The following CENPF variants were observed in gnomAD, a reference collection of about 807,000 sequenced individuals.
The protein encoded by CENPF is AH antigen.
A neutral mutation model predicts 307.3 loss-of-function variants in CENPF; 214 were observed. The ratio of observed to expected loss-of-function variants is 0.70; its 90% CI spans 0.62 to 0.78. CENPF has a LOEUF of 0.78. CENPF is among the 30% of genes least tolerant of loss of function. CENPF has a pLI of 0.00. For synonymous variants in CENPF, 1,259 were observed against 1,270.6 expected (o/e 0.99, Z 0.19); for missense variants, 3,401 against 3,483.9 (o/e 0.98, Z 0.60).
chr1:214,662,625 A>G (rs1658816601), intron 19 of CENPF, among the ~76,000 whole-genome samples: 1 of 152,144 alleles, frequency 6.6e-6, no homozygotes, highest in South Asian at 2.1e-4. Flanking sequence ...CCTTGTGTCC[A>G]TTATGCAAGA....
intron 8 of CENPF, among the ~76,000 whole-genome samples, 172 bp downstream of exon 8, chr1:214,629,343 C>CT (rs939367716): frequency 2.0e-5 from 3 of 152,042 alleles, no homozygotes; most frequent in Non-Finnish European, 2.9e-5. Flanking sequence ...CACTTTTGCG[C>CT]TTTTTTTAAA....
Position 214,639,951 on chromosome 1 carries a change from G to T in CENPF, c.1613G>T (p.Arg538Ile). 6.4e-7 allele frequency: 1 copy of T among 1,556,194 alleles called. No homozygotes were observed. Among genetic ancestry groups the T allele is most frequent in the South Asian group, 1.2e-5 (1 of 80,994 alleles). ...AKNTSQETML[R>I]DLQEKINQQE... ...AATACCTCTCAGGAAACCATGTTAAGAGATCTTCAAGAAAAAATAAATCAG... is the reference window on the plus strand; with the variant it reads ...AATACCTCTCAGGAAACCATGTTAATAGATCTTCAAGAAAAAATAAATCAG... The change falls in exon 12 of 20, where the codon AGA (arginine) becomes ATA (isoleucine). Residue 538 changes from arginine to isoleucine, a missense_variant. Transcript: ENST00000366955.
Position 214,664,110 on chromosome 1 carries a change from G to T in CENPF, c.*316G>T. On this transcript the variant is annotated 3_prime_UTR_variant, in exon 20 of 20. Transcript: ENST00000366955. ...TATCACAATCTCTGTTTGTATGTGGGTTTTACACTAAAAAAATGCAAAACA... is the reference window on the plus strand; with the variant it reads ...TATCACAATCTCTGTTTGTATGTGGTTTTTACACTAAAAAAATGCAAAACA... The T allele has an allele frequency of 5.0e-6, 1 of 200,520 alleles. No individual in the cohort carries two copies. Among genetic ancestry groups the T allele is most frequent in the Non-Finnish European group, 9.9e-6 (1 of 100,624 alleles). 12.4% of individuals were successfully genotyped at this position (200,520 alleles called of 1,614,324 possible). A position where few individuals can be genotyped will look rare whatever the true frequency, so the allele number is the denominator to read the frequency against.
At chr1:214,606,035 A>C (rs1657019511) in intron 1 of CENPF, 12 of 1,595,902 alleles carry the variant, frequency 7.5e-6, no homozygotes, top group Non-Finnish European at 1.0e-5. Flanking sequence ...CACCGTGCCG[A>C]TGCTCTGCCC....
rs17023341 is a variant in CENPF at position 214,643,375 on chromosome 1, C to T, written c.4986+51C>T. On this transcript the variant is annotated intron_variant, in intron 12 of 19. Transcript: ENST00000366955. ...TTTCTCGGTTTACATGACTAGTGGA[C>T]ACTCAGTAAATGTTTGTCTAATTGA... 0.012 allele frequency: 15,805 copies of T among 1,362,324 alleles called. 1,407 individuals carry two copies. In the African/African-American group the frequency reaches 0.2, roughly 17 times the overall value. 84.4% of individuals were successfully genotyped at this position (1,362,324 alleles called of 1,614,324 possible).
chr1:214,641,490 C>G lies in CENPF; in HGVS notation c.3152C>G (p.Ser1051Cys), dbSNP rs1571715252. 6.6e-7 allele frequency: 1 copy of G among 1,522,514 alleles called. No homozygotes were observed. The highest frequency in any genetic ancestry group is 8.8e-7 in the Non-Finnish European group (1 of 1,142,636). The allele number at this position is 1,522,514 out of a possible 1,614,324, so 94.3% of individuals were successfully genotyped here. ...TACAAAGCAGCACAGGAAAAGAATT[C>G]TAAATTAGAATGCTTGCTAAATGAA... is the stretch of plus-strand genomic sequence containing the variant. ...QKYKAAQEKN[S>C]KLECLLNECT... The change falls in exon 12 of 20, where the codon TCT (serine) becomes TGT (cysteine). Residue 1051 changes from serine to cysteine, a missense_variant. Physicochemically the swap from Ser to Cys is moderately radical, Grantham distance 112. Transcript: ENST00000366955.
chr1:214,650,856 A>G (rs958473131), intron 14 of CENPF, among the ~76,000 whole-genome samples: 30 of 152,316 alleles, frequency 2.0e-4, no homozygotes, highest in African/African-American at 7.2e-4. Context: ...ACCGCACTCC[A>G]GCCTGGGCAA....
chr1:214,623,226 C>G (rs1403813713), intron 7 of CENPF, among the ~76,000 whole-genome samples: 2 of 152,166 alleles, frequency 1.3e-5, no homozygotes, highest in Non-Finnish European at 2.9e-5. Flanking sequence ...ATGGCTTTGT[C>G]TGTACTGATC....
Position 214,646,953 on chromosome 1 carries a change from A to C in CENPF, c.7383A>C (p.Gln2461His). 1 of 1,614,108 alleles carries C rather than the reference A, an allele frequency of 6.2e-7. No individual in the cohort carries two copies. The highest frequency in any genetic ancestry group is 1.1e-5 in the South Asian group (1 of 91,080). The stretch of plus-strand genomic sequence containing the variant: ...GAGTGGCAGCCCTGCATAATGACCA[A>C]GAAGCCTGTAAGGCCAAAGAGCAGA... ...NERVAALHND[Q>H]EACKAKEQNL... The change falls in exon 13 of 20, where the codon CAA becomes CAC. Residue 2461 changes from glutamine to histidine, a missense_variant. Coordinates refer to ENST00000366955, the MANE Select transcript of CENPF (RefSeq NM_016343.4).
rs763058608 is a variant in CENPF, at chr1:214,642,437, G to A, written c.4099G>A (p.Gly1367Ser). 6.3e-7 allele frequency: 1 copy of A among 1,594,860 alleles called. No homozygotes were observed. The highest frequency in any genetic ancestry group is 8.5e-7 in the Non-Finnish European group (1 of 1,170,846). ...TGAGTTAGTGGAAGACATACCAGGA[G>A]GTGAATTTGGTGAACAACCAAATGA... The part of the protein sequence containing the change: ...HGELVEDIPG[G>S]EFGEQPNEQH... The change falls in exon 12 of 20, where the codon GGT becomes AGT. Residue 1367 changes from glycine (G) to serine (S), a missense_variant. Physicochemically the swap from Gly to Ser is moderately conservative, Grantham distance 56. Coordinates refer to ENST00000366955, the MANE Select transcript of CENPF (RefSeq NM_016343.4).
intron 1 of CENPF, among the ~76,000 whole-genome samples, chr1:214,606,456 G>A (rs1194239249): frequency 2.0e-5 from 3 of 152,150 alleles, no homozygotes; most frequent in Non-Finnish European, 4.4e-5. Flanking sequence ...AATGCTTCAC[G>A]CCTTCCTGCC....
chr1:214,655,504 T>C (rs1320236475), intron 17 of CENPF, 101 bp downstream of exon 17: 24 of 959,238 alleles, frequency 2.5e-5, no homozygotes, highest in Non-Finnish European at 3.2e-5. Flanking sequence ...TGCTGTGTTC[T>C]ATTACTGAGT....
rs771954236 is a variant in CENPF at position 214,618,618 on chromosome 1, A to G, written c.405A>G (p.Ala135=). 1.2e-6 allele frequency: 2 copies of G among 1,614,162 alleles called. No individual in the cohort carries two copies. Among genetic ancestry groups the G allele is most frequent in the Admixed American group, 3.3e-5 (2 of 60,024 alleles). The change falls in exon 4 of 20, where the codon GCA becomes GCG. Residue 135 remains alanine (A), a synonymous_variant. Coordinates refer to ENST00000366955, the MANE Select transcript of CENPF (RefSeq NM_016343.4). ...GAAGCCAACAAGCTGCGCAGTCTGCAGATGTCTCTCTGAATCCATGCAATA... is the reference window on the plus strand; with the variant it reads ...GAAGCCAACAAGCTGCGCAGTCTGCGGATGTCTCTCTGAATCCATGCAATA... ...LERSQQAAQS[A]DVSLNPCNTP... is the part of the protein sequence containing the mutation.
chr1:214,615,819 A>G (rs1657321706), intron 3 of CENPF, among the ~76,000 whole-genome samples: 1 of 152,004 alleles, frequency 6.6e-6, no homozygotes, highest in Non-Finnish European at 1.5e-5. Flanking sequence ...GGCACCTCTA[A>G]TCTCAGCTAC....
At chr1:214,605,180 G>T (rs1656988707) in intron 1 of CENPF, among the ~76,000 whole-genome samples, 1 of 152,150 alleles carries the variant, frequency 6.6e-6, no homozygotes, top group African/African-American at 2.4e-5. Flanking sequence ...TATTTCCTAA[G>T]ATGTGGCTGA....
chr1:214,642,147 A>G lies in CENPF; in HGVS notation c.3809A>G (p.Glu1270Gly), dbSNP rs779141289. Residue 1270 changes from glutamate to glycine, a missense_variant, in exon 12 of 20, where the codon GAA (glutamate) becomes GGA (glycine). Transcript: ENST00000366955. The part of the protein sequence containing the change: ...GLKDCEIDAE[E>G]KYISGPHELS... ...AAAGACTGTGAAATAGATGCGGAAG[A>G]AAAGTATATTTCAGGGCCTCATGAG... 51 of 1,613,956 alleles carry G rather than the reference A, an allele frequency of 3.2e-5. No homozygotes were observed. The African/African-American group carries it at 6.3e-4, about 20-fold the overall frequency.
At position 214,631,297 on chromosome 1, in the gene CENPF, C is replaced by T. The variant is rs142237266; in HGVS notation, c.1323+635C>T. Among the ~76,000 whole-genome samples the T allele has an allele frequency of 1.4e-3, 210 of 152,300 alleles. 2 individuals carry two copies. Among genetic ancestry groups the T allele is most frequent in the African/African-American group, 4.9e-3 (203 of 41,556 alleles). On this transcript the variant is annotated intron_variant, in intron 9 of 19. Coordinates refer to ENST00000366955, the MANE Select transcript of CENPF (RefSeq NM_016343.4). ...CACTTCTATTCTTCTTTTTCTCTTA[C>T]ACTTGAATCTGCTGCCTCTACTGAT...
chr1:214,614,880 A>G lies in CENPF; in HGVS notation c.211A>G (p.Arg71Gly). 4 of 1,607,642 alleles carry G rather than the reference A, an allele frequency of 2.5e-6. No homozygotes were observed. The highest frequency in any genetic ancestry group is 3.4e-6 in the Non-Finnish European group (4 of 1,177,784). ...TACAAACCTGAAAAGGGAGAATCAA[A>G]GATTGATGGAAATATGTGAAAGTCT... is the stretch of plus-strand genomic sequence containing the variant. ...EGTNLKRENQ[R>G]LMEICESLEK... Residue 71 changes from arginine (R) to glycine (G), a missense_variant, in exon 3 of 20, where the codon AGA becomes GGA. By Grantham distance (125) the Arg-to-Gly change is moderately radical. Transcript: ENST00000366955.
At chr1:214,632,640 A>G (rs373452059) in intron 10 of CENPF, 38 bp downstream of exon 10, 35 of 1,608,102 alleles carry the variant, frequency 2.2e-5, no homozygotes, top group Non-Finnish European at 2.7e-5. Context: ...CCACTTATGT[A>G]AGAACCAAGT....
Sources: allele counts gnomAD v4.1 joint callset (sites outside exome capture counted in the v4.1 genomes callset), GRCh38; gene constraint gnomAD v4.1.1; transcripts MANE v1.5; gene names NCBI Gene and HGNC (gene_info 2026-07-23, HGNC 2026-07-21).